DNAAF5: variants seen among roughly 807,000 people sequenced by gnomAD.
The protein encoded by DNAAF5 is HEAT repeat containing 2.
Under a neutral mutation model 75.8 loss-of-function variants are expected in DNAAF5, and 64 were observed. The observed-to-expected ratio is 0.84, with a 90% CI of 0.69 to 1.04. The LOEUF (loss-of-function observed/expected upper bound fraction) is 1.04. Among genes scored for constraint, DNAAF5 ranks in the 50% least tolerant of loss-of-function variants. The probability of loss-of-function intolerance (pLI) is 0.00; values close to 1 mark genes in which losing one functional copy is unlikely to be tolerated. For synonymous variants in DNAAF5, 657 were observed against 557.2 expected (o/e 1.18, Z -2.52); for missense variants, 1,269 against 1,178.5 (o/e 1.08, Z -1.12).
chr7:733,293 G>C lies in DNAAF5; in HGVS notation c.780+3446G>C, dbSNP rs534317020. 2.0e-5 allele frequency among the ~76,000 whole-genome samples: 3 copies of C among 152,194 alleles called. No homozygotes were observed. The South Asian group carries it at 6.2e-4, about 32-fold the overall frequency. On this transcript the variant is annotated intron_variant, in intron 2 of 12. Transcript: ENST00000297440. ...GCTTTGGCTATTCAACGTCTTTCGAGGTTCCATATAAATTTAGGATTATTT... is the reference window on the plus strand; with the variant it reads ...GCTTTGGCTATTCAACGTCTTTCGACGTTCCATATAAATTTAGGATTATTT...
intron 7 of DNAAF5, among the ~76,000 whole-genome samples, chr7:762,200 A>C (rs556863927): frequency 2.0e-5 from 3 of 152,164 alleles, no homozygotes; most frequent in African/African-American, 7.2e-5. Context: ...AATAGTGCAC[A>C]TGTCGCTGGG....
Position 785,606 on chromosome 7 carries a change from T to G in DNAAF5, c.2521T>G (p.Cys841Gly). The G allele has an allele frequency of 1.2e-6, 2 of 1,613,190 alleles. No individual in the cohort carries two copies. The highest frequency in any genetic ancestry group is 1.7e-6 in the Non-Finnish European group (2 of 1,180,030). ...VIHKHRSATY[C>G]EQLLQHVQAV... is the part of the protein sequence containing the mutation. ...CCACAAGCACCGCTCGGCCACCTAC[T>G]GCGAGCAGCTCCTGCAGCATGTGCA... Residue 841 changes from cysteine to glycine, a missense_variant, in exon 13 of 13, where the codon TGC (cysteine) becomes GGC (glycine). Physicochemically the swap from Cys to Gly is radical, Grantham distance 159. Transcript: ENST00000297440.
At chr7:751,015 G>C (rs1782275101) in intron 4 of DNAAF5, 1 of 152,804 alleles carries the variant, frequency 6.5e-6, no homozygotes, top group South Asian at 2.1e-4. Flanking sequence ...GTGGTGGCAT[G>C]CACCTGTAGT....
At chr7:741,604 C>T (rs1781914609) in intron 4 of DNAAF5, 139 bp downstream of exon 4, 1 of 611,550 alleles carries the variant, frequency 1.6e-6, no homozygotes, top group Non-Finnish European at 2.9e-6. Flanking sequence ...GGCGTCTCCC[C>T]ACTGGGCTGG....
At chr7:778,095 GTCAC>G (rs1163774348) in intron 11 of DNAAF5, 6 of 152,250 alleles carry the variant, frequency 3.9e-5, no homozygotes, top group African/African-American at 1.2e-4. Flanking sequence ...GGGGGCCTTT[GTCAC>G]TCATTCTCTC....
At chr7:743,759 G>A (rs972844294) in intron 4 of DNAAF5, among the ~76,000 whole-genome samples, 15 of 150,186 alleles carry the variant, frequency 1.0e-4, no homozygotes, top group African/African-American at 2.7e-4. Context: ...ATTCTCCTGC[G>A]TCAGCCTCCC....
intron 8 of DNAAF5, among the ~76,000 whole-genome samples, chr7:766,120 A>G (rs559853875): frequency 6.6e-6 from 1 of 152,254 alleles, no homozygotes; most frequent in African/African-American, 2.4e-5. Context: ...ATAAGCCACC[A>G]TGCCTGGTTT....
chr7:741,431 T>TGC lies in DNAAF5; in HGVS notation c.991_992dup (p.Pro333LeufsTer46), dbSNP rs2128073043. ...AGGACCTGAAGGACAAGCTGGACTT[T>TGC]GCCCCTCCCACCCCACCCCATTACC... On this transcript the variant is annotated frameshift_variant, in exon 4 of 13. Coordinates refer to ENST00000297440, the MANE Select transcript of DNAAF5 (RefSeq NM_017802.4). LOFTEE classifies it high-confidence loss of function. 1.3e-6 allele frequency: 2 copies of TGC among 1,564,570 alleles called. No individual in the cohort carries two copies. Among genetic ancestry groups the TGC allele is most frequent in the Non-Finnish European group, 1.7e-6 (2 of 1,153,190 alleles).
intron 4 of DNAAF5, among the ~76,000 whole-genome samples, chr7:744,523 C>G (rs916649894): frequency 6.6e-6 from 1 of 152,006 alleles, no homozygotes; most frequent in Non-Finnish European, 1.5e-5. Flanking sequence ...CAAAAGAAGA[C>G]ATTTATGCAG....
chr7:727,251 C>T lies in DNAAF5; in HGVS notation c.531C>T (p.Asp177=). ...ALRALRCSLL[D]PFAAVRRESC... ...GCGCGCTGCGCTGCTCCCTGCTCGA[C>T]CCCTTCGCCGCCGTGCGCCGCGAGA... The change falls in exon 1 of 13, where the codon GAC becomes GAT. Residue 177 remains aspartate, a synonymous_variant. Transcript: ENST00000297440. The T allele has an allele frequency of 2.2e-6, 3 of 1,345,394 alleles. No individual in the cohort carries two copies. Among genetic ancestry groups the T allele is most frequent in the Non-Finnish European group, 1.9e-6 (2 of 1,051,970 alleles). 83.3% of individuals were successfully genotyped at this position (1,345,394 alleles called of 1,614,324 possible).
In DNAAF5 at chr7:770,598, G is replaced by A. The variant is rs140229424; in HGVS notation, c.1911G>A (p.Thr637=). The A allele has an allele frequency of 3.5e-5, 57 of 1,613,606 alleles. No homozygotes were observed. The highest frequency in any genetic ancestry group is 1.1e-4 in the East Asian group (5 of 44,866). ...TGTCCACCGTGCTGCTCAGAGCCAC[G>A]GACACCATCAACTCCCAGGGGTAGG... ...SILSTVLLRA[T]DTINSQGQFP... is the part of the protein sequence containing the mutation. Residue 637 remains threonine (T), a synonymous_variant, in exon 9 of 13, where the codon ACG becomes ACA. Transcript: ENST00000297440.
intron 1 of DNAAF5, among the ~76,000 whole-genome samples, chr7:729,001 T>TTA (rs1279881146): frequency 2.0e-5 from 3 of 150,098 alleles, no homozygotes; most frequent in African/African-American, 4.9e-5. Flanking sequence ...CTGACTTTTT[T>TTA]TTTTTTTTTT....
intron 2 of DNAAF5, among the ~76,000 whole-genome samples, chr7:731,223 T>C (rs555673687): frequency 3.7e-4 from 57 of 152,312 alleles, no homozygotes; most frequent in Admixed American, 7.2e-4. Context: ...TCTGTGTGAA[T>C]ACTGAAGCTC....
At chr7:750,165 AC>A (rs1406699067) in intron 4 of DNAAF5, among the ~76,000 whole-genome samples, 1 of 152,062 alleles carries the variant, frequency 6.6e-6, no homozygotes, top group Non-Finnish European at 1.5e-5. Flanking sequence ...ACACTCACTC[AC>A]TGTCTGTGCT....
intron 8 of DNAAF5, among the ~76,000 whole-genome samples, chr7:767,937 C>G (rs1778381221): frequency 6.9e-6 from 1 of 144,450 alleles, no homozygotes; most frequent in Non-Finnish European, 1.5e-5. Context: ...AGGGCGGACA[C>G]GTGGCTCCGG....
rs548374896 is a variant in DNAAF5, at chr7:773,987, G to A, written c.1932-61G>A. ...CCTCAGCCCCATTCATCCCTAGTCT[G>A]AAACGTTTCTTCCGAGCACCTGTCC... On this transcript the variant is annotated intron_variant, in intron 9 of 12. Transcript: ENST00000297440. 2.0e-5 allele frequency: 32 copies of A among 1,601,816 alleles called. No individual in the cohort carries two copies. In the African/African-American group the frequency reaches 3.7e-4, roughly 19 times the overall value.
chr7:755,877 C>T (rs1185173184), intron 5 of DNAAF5, among the ~76,000 whole-genome samples: 2 of 152,182 alleles, frequency 1.3e-5, no homozygotes, highest in African/African-American at 4.8e-5. Context: ...TACAGGAGAG[C>T]AAGAGACACG....
At chr7:777,981 G>A (rs1778819219) in intron 11 of DNAAF5, among the ~76,000 whole-genome samples, 1 of 152,108 alleles carries the variant, frequency 6.6e-6, no homozygotes, top group Non-Finnish European at 1.5e-5. Context: ...GAGGAGAGAT[G>A]GTGCCTCAGA....
chr7:781,666 G>A (rs1252412440), intron 12 of DNAAF5, among the ~76,000 whole-genome samples: 2 of 150,832 alleles, frequency 1.3e-5, no homozygotes, highest in African/African-American at 4.8e-5. Context: ...ATCCGCGCCG[G>A]GACTTGTTTC....
Sources: gnomAD v4.1 joint callset for allele counts (sites outside exome capture counted in the v4.1 genomes callset) on GRCh38, gnomAD v4.1.1 for gene constraint, MANE v1.5 for transcripts, NCBI Gene and HGNC (gene_info 2026-07-23, HGNC 2026-07-21) for gene names.